The following ANKRD16 variants were observed in gnomAD, a reference collection of about 807,000 sequenced individuals.
ANKRD16 encodes the protein ankyrin repeat domain-containing protein 16.
A neutral mutation model predicts 37.9 loss-of-function variants in ANKRD16; 35 were observed. The observed-to-expected ratio is 0.92, with a 90% CI of 0.71 to 1.23. The LOEUF (loss-of-function observed/expected upper bound fraction) is 1.23. ANKRD16 is among the 50% of genes most tolerant of loss of function. The pLI, the probability that ANKRD16 is intolerant of heterozygous loss-of-function variation, is 0.00. For synonymous variants in ANKRD16, 206 were observed against 197.2 expected, an observed-to-expected ratio of 1.04 and a Z score of -0.37; for missense variants, 480 against 469.9, an observed-to-expected ratio of 1.02 and a Z score of -0.20.
At position 5,889,252 on chromosome 10, in the gene ANKRD16, G is replaced by A. The variant is rs369543649; in HGVS notation, c.103C>T (p.Pro35Ser). The A allele has an allele frequency of 7.3e-6, 11 of 1,506,530 alleles. No homozygotes were observed. Among genetic ancestry groups the A allele is most frequent in the African/African-American group, 4.3e-5 (3 of 69,638 alleles). The allele number at this position is 1,506,530 out of a possible 1,614,324, so 93.3% of individuals were successfully genotyped here. The change falls in exon 1 of 8, where the codon CCG becomes TCG. Residue 35 changes from proline to serine, a missense_variant. Pro to Ser is a moderately conservative substitution (Grantham distance 74). Coordinates refer to ENST00000380094, the MANE Select transcript of ANKRD16 (RefSeq NM_019046.3). ...ELQAAGGCPG[P>S]AGDTLLHCAA... ...CAGTGCAGGAGGGTATCCCCGGCCG[G>A]CCCCGGGCAGCCCCCGGCCGCCTGC...
Position 5,889,101 on chromosome 10 carries a change from T to A in ANKRD16, c.254A>T (p.Asp85Val), listed in dbSNP as rs1564421939. 1 of 1,589,198 alleles carries A rather than the reference T, an allele frequency of 6.3e-7. No individual in the cohort carries two copies. Among genetic ancestry groups the A allele is most frequent in the Non-Finnish European group, 8.5e-7 (1 of 1,174,932 alleles). The change falls in exon 1 of 8, where the codon GAC becomes GTC. Residue 85 changes from aspartate (D) to valine (V), a missense_variant. Coordinates refer to ENST00000380094, the MANE Select transcript of ANKRD16 (RefSeq NM_019046.3). Reference protein sequence around the residue: ...LHEAASMGHRDCVRYLLGRGA... With the variant: ...LHEAASMGHRVCVRYLLGRGA... ...CCGGCCCAGCAGGTAGCGCACGCAG[T>A]CTCGGTGGCCCATGGAGGCCGCCTC...
chr10:5,889,641 G>A lies in ANKRD16; in HGVS notation c.-287C>T, dbSNP rs559491121. ...ACGGGGCGGTTTTTCCTCAGGGACG[G>A]AGCGGTCCGGGATGAGCACGGAGGG... On this transcript the variant is annotated 5_prime_UTR_variant, in exon 1 of 8. Transcript: ENST00000380094. The A allele has an allele frequency of 2.1e-3, 419 of 195,622 alleles. 2 individuals are homozygous for A. The highest frequency in any genetic ancestry group is 9.4e-3 in the African/African-American group (401 of 42,870). The allele number at this position is 195,622 out of a possible 1,614,324, so 12.1% of individuals were successfully genotyped here. A position where few individuals can be genotyped will look rare whatever the true frequency, so the allele number is the denominator to read the frequency against.
Position 5,864,456 on chromosome 10 carries a change from T to C in ANKRD16, c.*34-1765A>G, listed in dbSNP as rs116971003. 6.6e-6 allele frequency among the ~76,000 whole-genome samples: 1 copy of C among 152,132 alleles called. No individual in the cohort carries two copies. Among genetic ancestry groups the C allele is most frequent in the African/African-American group, 2.4e-5 (1 of 41,390 alleles). On this transcript the variant is annotated intron_variant, in intron 7 of 7. Coordinates refer to ENST00000380094, the MANE Select transcript of ANKRD16 (RefSeq NM_019046.3). This position sits in a 1 kb window ranked among gnomAD's most constrained non-coding sequence, Gnocchi z 4.4. ...GATTTAAAGCAGATCAAGGTAGACCTGGGTAAGTTTTCAGATATATCCTGA... is the reference window on the plus strand; with the variant it reads ...GATTTAAAGCAGATCAAGGTAGACCCGGGTAAGTTTTCAGATATATCCTGA...
Position 5,885,775 on chromosome 10 carries a change from G to C in ANKRD16, c.536-10C>G, listed in dbSNP as rs1216790691. The C allele has an allele frequency of 6.3e-7, 1 of 1,597,876 alleles. No individual in the cohort carries two copies. The highest frequency in any genetic ancestry group is 1.4e-5 in the African/African-American group (1 of 73,926). On this transcript the variant is annotated splice_polypyrimidine_tract_variant and intron_variant, in intron 2 of 7. Coordinates refer to ENST00000380094, the MANE Select transcript of ANKRD16 (RefSeq NM_019046.3). ...AAATGGCCATGCATTGCTGGGAGGA[G>C]AAAGAAAGCTGAGAATTAGAGCTTT...
intron 7 of ANKRD16, among the ~76,000 whole-genome samples, chr10:5,873,658 G>A (rs1283885939): frequency 6.6e-6 from 1 of 152,080 alleles, no homozygotes; most frequent in African/African-American, 2.4e-5. Context: ...TTCTAGCAAC[G>A]TCCTGGGTTA....
rs530744666 is a variant in ANKRD16, at chr10:5,874,419, C to A, written c.*33+3678G>T. Among the ~76,000 whole-genome samples the A allele has an allele frequency of 6.6e-6, 1 of 152,280 alleles. No individual in the cohort carries two copies. Among genetic ancestry groups the A allele is most frequent in the Admixed American group, 6.5e-5 (1 of 15,298 alleles). On this transcript the variant is annotated intron_variant, in intron 7 of 7. Transcript: ENST00000380094. The surrounding 1 kb of genome is among the most constrained non-coding windows in gnomAD (Gnocchi z 4.7). ...GCCATGTGGAGGGTGGATTTGAGGA[C>A]TTGGAGAGGTGTATTTAAGACATGG... is the stretch of plus-strand genomic sequence containing the variant.
chr10:5,889,255 C>G lies in ANKRD16; in HGVS notation c.100G>C (p.Gly34Arg), dbSNP rs112569010. 3 of 1,507,632 alleles carry G rather than the reference C, an allele frequency of 2.0e-6. No individual in the cohort carries two copies. The highest frequency in any genetic ancestry group is 2.2e-5 in the Admixed American group (1 of 45,600). 93.4% of individuals were successfully genotyped at this position (1,507,632 alleles called of 1,614,324 possible). A position where few individuals can be genotyped will look rare whatever the true frequency, so the allele number is the denominator to read the frequency against. ...EELQAAGGCP[G>R]PAGDTLLHCA... ...TGCAGGAGGGTATCCCCGGCCGGCC[C>G]CGGGCAGCCCCCGGCCGCCTGCAGC... The change falls in exon 1 of 8, where the codon GGG becomes CGG. Residue 34 changes from glycine (G) to arginine (R), a missense_variant. Gly to Arg is a moderately radical substitution (Grantham distance 125). Coordinates refer to ENST00000380094, the MANE Select transcript of ANKRD16 (RefSeq NM_019046.3).
Position 5,864,908 on chromosome 10 carries a change from G to A in ANKRD16, c.*34-2217C>T, listed in dbSNP as rs1047831192. 1.3e-5 allele frequency among the ~76,000 whole-genome samples: 2 copies of A among 152,014 alleles called. No homozygotes were observed. Among genetic ancestry groups the A allele is most frequent in the African/African-American group, 2.4e-5 (1 of 41,350 alleles). ...CCTTAAGAAAATATACTCCCCTGTC[G>A]CCCGACTCACTCGAGGGTCAATTGA... On this transcript the variant is annotated intron_variant, in intron 7 of 7. Transcript: ENST00000380094. This position sits in a 1 kb window ranked among gnomAD's most constrained non-coding sequence, Gnocchi z 4.4.
Position 5,866,080 on chromosome 10 carries a change from T to C in ANKRD16, c.*34-3389A>G, listed in dbSNP as rs1172353917. 1.3e-5 allele frequency among the ~76,000 whole-genome samples: 2 copies of C among 152,200 alleles called. No homozygotes were observed. The highest frequency in any genetic ancestry group is 2.9e-5 in the Non-Finnish European group (2 of 68,028). ...AATACAAGGAAAGGATCTCACTGTCTGGACTACTCATGATGTAAATGGCAT... is the reference window on the plus strand; with the variant it reads ...AATACAAGGAAAGGATCTCACTGTCCGGACTACTCATGATGTAAATGGCAT... On this transcript the variant is annotated intron_variant, in intron 7 of 7. Transcript: ENST00000380094. This position sits in a 1 kb window ranked among gnomAD's most constrained non-coding sequence, Gnocchi z 4.3.
Position 5,865,950 on chromosome 10 carries a change from A to C in ANKRD16, c.*34-3259T>G, listed in dbSNP as rs1030582935. On this transcript the variant is annotated intron_variant, in intron 7 of 7. Coordinates refer to ENST00000380094, the MANE Select transcript of ANKRD16 (RefSeq NM_019046.3). This position sits in a 1 kb window ranked among gnomAD's most constrained non-coding sequence, Gnocchi z 4.7. The stretch of plus-strand genomic sequence containing the variant: ...AGACTCATGGGACAACCCCACAACC[A>C]GTGGCATACCTAAGTAAGGAAACTG... 6.6e-6 allele frequency among the ~76,000 whole-genome samples: 1 copy of C among 152,206 alleles called. No homozygotes were observed. Among genetic ancestry groups the C allele is most frequent in the Non-Finnish European group, 1.5e-5 (1 of 68,026 alleles).
rs1842535170 is a variant in ANKRD16, at chr10:5,889,211, C to A, written c.144G>T (p.Gly48=). The change falls in exon 1 of 8, where the codon GGG becomes GGT. Residue 48 remains glycine, a synonymous_variant. Coordinates refer to ENST00000380094, the MANE Select transcript of ANKRD16 (RefSeq NM_019046.3). ...CCAGATAGGCCAGCACGTCCCGATG[C>A]CCGTGGCGCGCGGCGCAGTGCAGGA... ...DTLLHCAARH[G]HRDVLAYLAE... 2 of 1,594,622 alleles carry A rather than the reference C, an allele frequency of 1.3e-6. No homozygotes were observed. Among genetic ancestry groups the A allele is most frequent in the African/African-American group, 1.3e-5 (1 of 74,686 alleles).
Position 5,871,583 on chromosome 10 carries a change from C to T in ANKRD16, c.*33+6514G>A, listed in dbSNP as rs1039485902. The stretch of plus-strand genomic sequence containing the variant: ...TCCTAGATACTGGCATTGAATGAGG[C>T]GCCCACGTGGGCTCTGCCCTGAACT... On this transcript the variant is annotated intron_variant, in intron 7 of 7. Transcript: ENST00000380094. This position sits in a 1 kb window ranked among gnomAD's most constrained non-coding sequence, Gnocchi z 4.5. Among the ~76,000 whole-genome samples, 8 of 152,188 alleles carry T rather than the reference C, an allele frequency of 5.3e-5. No homozygotes were observed. Among genetic ancestry groups the T allele is most frequent in the South Asian group, 2.1e-4 (1 of 4,832 alleles).
Position 5,861,714 on chromosome 10 carries a change from T to A in ANKRD16, c.*1011A>T, listed in dbSNP as rs896222718. The A allele has an allele frequency of 2.6e-5, 4 of 152,086 alleles. No individual in the cohort carries two copies. The highest frequency in any genetic ancestry group is 9.7e-5 in the African/African-American group (4 of 41,408). 9.4% of individuals were successfully genotyped at this position (152,086 alleles called of 1,614,324 possible). ...ATTGACATTTATTATTTACTACACA[T>A]CAGACACGGTGTTAAGTGGCTTAGA... On this transcript the variant is annotated 3_prime_UTR_variant, in exon 8 of 8. Coordinates refer to ENST00000380094, the MANE Select transcript of ANKRD16 (RefSeq NM_019046.3).
At chr10:5,873,924 C>A (rs529890968) in intron 7 of ANKRD16, among the ~76,000 whole-genome samples, 1 of 150,548 alleles carries the variant, frequency 6.6e-6, no homozygotes, top group Non-Finnish European at 1.5e-5. Flanking sequence ...GACGGCGTCT[C>A]GCTCTGTTGC....
In ANKRD16 at chr10:5,889,227, C is replaced by A. The variant is rs1363569339; in HGVS notation, c.128G>T (p.Cys43Phe). ...PGPAGDTLLHCAARHGHRDVL... is the reference protein window; with the variant it reads ...PGPAGDTLLHFAARHGHRDVL... ...GTCCCGATGCCCGTGGCGCGCGGCG[C>A]AGTGCAGGAGGGTATCCCCGGCCGG... Residue 43 changes from cysteine to phenylalanine, a missense_variant, in exon 1 of 8, where the codon TGC (cysteine) becomes TTC (phenylalanine). Transcript: ENST00000380094. 1 of 1,592,108 alleles carries A rather than the reference C, an allele frequency of 6.3e-7. No individual in the cohort carries two copies. Among genetic ancestry groups the A allele is most frequent in the Non-Finnish European group, 8.5e-7 (1 of 1,177,202 alleles).
chr10:5,881,939 A>C (rs1478144562), intron 5 of ANKRD16, among the ~76,000 whole-genome samples: 1 of 151,832 alleles, frequency 6.6e-6, no homozygotes, highest in African/African-American at 2.4e-5. Flanking sequence ...CACCTGCCTC[A>C]GCCTCCCAAA....
At chr10:5,879,432 C>A (rs584000) in intron 6 of ANKRD16, among the ~76,000 whole-genome samples, 124,992 of 151,312 alleles carry the variant, frequency 0.83, 52,014 homozygotes, top group Admixed American at 0.87. Flanking sequence ...CGTGCCACTG[C>A]CCTCCAGACT....
At position 5,883,163 on chromosome 10, in the gene ANKRD16, C is replaced by A. The variant is rs1842348855; in HGVS notation, c.692G>T (p.Cys231Phe). 6.2e-7 allele frequency: 1 copy of A among 1,613,458 alleles called. No homozygotes were observed. Among genetic ancestry groups the A allele is most frequent in the Non-Finnish European group, 8.5e-7 (1 of 1,179,954 alleles). ...ARLLLDEHGA[C>F]LSAEDSLGAQ... ...ACCCAGGCTGTCTTCTGCTGAAAGG[C>A]AAGCCTAGTGGGCAGAGGAGAGAAA... Residue 231 changes from cysteine to phenylalanine, a missense_variant, in exon 5 of 8, where the codon TGC (cysteine) becomes TTC (phenylalanine). By Grantham distance (205) the Cys-to-Phe change is radical. Transcript: ENST00000380094.
In ANKRD16 at chr10:5,888,025, C is replaced by G; in HGVS notation, c.357G>C (p.Val119=). The change falls in exon 2 of 8, where the codon GTG becomes GTC. Residue 119 remains valine, a synonymous_variant. Coordinates refer to ENST00000380094, the MANE Select transcript of ANKRD16 (RefSeq NM_019046.3). ...CGCCATGTTCCACCAGCTCCTGGAT[C>G]ACCCCCAGGTTCTTCCTTGTGCAGG... ...MMACTRKNLG[V]IQELVEHGAN... is the part of the protein sequence containing the mutation. 6.2e-7 allele frequency: 1 copy of G among 1,614,164 alleles called. No homozygotes were observed. The highest frequency in any genetic ancestry group is 8.5e-7 in the Non-Finnish European group (1 of 1,180,010).
Sources: allele counts gnomAD v4.1 joint callset (sites outside exome capture counted in the v4.1 genomes callset), GRCh38; gene constraint gnomAD v4.1.1; non-coding constraint Gnocchi (gnomAD v3.1); transcripts MANE v1.5; gene names NCBI Gene and HGNC (gene_info 2026-07-23, HGNC 2026-07-21).